Variants in ZMYM1 observed in about 807,000 individuals in gnomAD.
ZMYM1 encodes zinc finger MYM-type containing 1, also known as zinc finger MYM-type protein 1.
Under a neutral mutation model 60.0 loss-of-function variants are expected in ZMYM1, and 39 were observed. The observed-to-expected ratio is 0.65, with a 90% confidence interval of 0.50 to 0.85. The LOEUF (loss-of-function observed/expected upper bound fraction) is 0.85. Among genes scored for constraint, ZMYM1 ranks in the 40% least tolerant of loss-of-function variants. The pLI is 0.00. For missense variants in ZMYM1, 1,171 were observed against 1,309.5 expected (o/e 0.89, Z 1.63); for synonymous variants, 413 against 454.0 (o/e 0.91, Z 1.15).
intron 1 of ZMYM1, among the ~76,000 whole-genome samples, chr1:35,088,448 ATATATATGTGTGTGTG>A (rs1326502015): frequency 6.2e-5 from 7 of 113,696 alleles, no homozygotes; most frequent in Admixed American, 1.0e-4. Flanking sequence ...ATATATATAT[ATATATATGTGTGTGTG>A]TGTGTGTGTG....
chr1:35,101,474 A>G (rs975089070), intron 4 of ZMYM1, among the ~76,000 whole-genome samples: 7 of 147,448 alleles, frequency 4.7e-5, no homozygotes, highest in Non-Finnish European at 8.9e-5. Flanking sequence ...GCTGATAGCA[A>G]TAAAAACTAA....
In ZMYM1 at chr1:35,071,230, G is replaced by A. The variant is rs1175516301; in HGVS notation, c.-300-7764G>A. On this transcript the variant is annotated intron_variant, in intron 1 of 10. Coordinates refer to the ZMYM1 transcript ENST00000417119. ...TATATCATATTGATGTGAATATGTC[G>A]AACCATACTTGCATCCCTAGGATGA... Among the ~76,000 whole-genome samples the A allele has an allele frequency of 2.6e-5, 4 of 151,920 alleles. No individual in the cohort carries two copies. In the South Asian group the frequency reaches 6.2e-4, roughly 24 times the overall value.
chr1:35,110,334 T>TGAA lies in ZMYM1; in HGVS notation c.850_852dup (p.Lys284dup). On this transcript the variant is annotated inframe_insertion, in exon 7 of 10. Coordinates refer to ENST00000359858, the MANE Select transcript of ZMYM1 (RefSeq NM_024772.5). ...CTTATATCTGTTCCTTGCAAACCAT[T>TGAA]GAAGCCCTCAGATGAAATGATTGAG... The TGAA allele has an allele frequency of 6.3e-7, 1 of 1,583,224 alleles. No homozygotes were observed. The highest frequency in any genetic ancestry group is 8.6e-7 in the Non-Finnish European group (1 of 1,168,252).
chr1:35,067,071 C>G (rs560473952), intron 1 of ZMYM1, among the ~76,000 whole-genome samples: 58 of 151,874 alleles, frequency 3.8e-4, no homozygotes, highest in African/African-American at 1.4e-3. Context: ...CTCTGCCTCC[C>G]GGGTTCAGGT....
At chr1:35,103,272 C>G (rs569698809) in intron 4 of ZMYM1, among the ~76,000 whole-genome samples, 3 of 152,292 alleles carry the variant, frequency 2.0e-5, no homozygotes, top group Admixed American at 1.3e-4. Context: ...CCCTCTCCCC[C>G]CAGTGCCTGT....
intron 1 of ZMYM1, among the ~76,000 whole-genome samples, chr1:35,085,021 T>C (rs923366896): frequency 1.3e-5 from 2 of 152,078 alleles, no homozygotes; most frequent in Non-Finnish European, 2.9e-5. Flanking sequence ...CTGTTATGCC[T>C]GGATTTATCC....
At position 35,115,153 on chromosome 1, in the gene ZMYM1, G is replaced by T. The variant is rs771824153; in HGVS notation, c.3323G>T (p.Gly1108Val). 3 of 1,614,052 alleles carry T rather than the reference G, an allele frequency of 1.9e-6. No homozygotes were observed. The South Asian group carries it at 3.3e-5, about 18-fold the overall frequency. Residue 1108 changes from glycine (G) to valine (V), a missense_variant, in exon 10 of 10, where the codon GGC becomes GTC. Physicochemically the swap from Gly to Val is moderately radical, Grantham distance 109. Transcript: ENST00000359858. ...CNTMGQEKLT[G>V]PALMAVEQEL... Reference sequence around the variant, plus strand: ...ACCATGGGACAAGAGAAGCTTACTGGCCCAGCCCTAATGGCTGTTGAGCAG... The same window carrying T: ...ACCATGGGACAAGAGAAGCTTACTGTCCCAGCCCTAATGGCTGTTGAGCAG...
rs2148483630 is a variant in ZMYM1, at chr1:35,079,402, T to C, written c.-115T>C. 1 of 106,816 alleles carries C rather than the reference T, an allele frequency of 9.4e-6. No homozygotes were observed. Among genetic ancestry groups the C allele is most frequent in the East Asian group, 2.8e-4 (1 of 3,540 alleles). The allele number at this position is 106,816 out of a possible 1,614,324, so 6.6% of individuals were successfully genotyped here. A position where few individuals can be genotyped will look rare whatever the true frequency, so the allele number is the denominator to read the frequency against. ...GGCGGGGCCGTTTCGCTTCGAAGAT[T>C]GTTTCAGAAGCGTTGGGCGGGGCGT... On this transcript the variant is annotated 5_prime_UTR_variant, in exon 1 of 10. Coordinates refer to ENST00000359858, the MANE Select transcript of ZMYM1 (RefSeq NM_024772.5).
chr1:35,095,784 A>G (rs751348561), intron 2 of ZMYM1, 35 bp from the exon 3 acceptor site: 10 of 1,456,582 alleles, frequency 6.9e-6, no homozygotes, highest in Non-Finnish European at 9.4e-6. Flanking sequence ...CATTGTATTC[A>G]CTATTTTTAA....
intron 2 of ZMYM1, 138 bp from the exon 3 acceptor site, chr1:35,095,681 C>G (rs1643273041): frequency 3.3e-6 from 2 of 612,978 alleles, no homozygotes; most frequent in South Asian, 2.1e-5. Flanking sequence ...TAGTGCATAC[C>G]TGTGTATTTT....
At chr1:35,078,808 C>CA (rs1642225485), upstream of ZMYM1, among the ~76,000 whole-genome samples, 1 of 152,028 alleles carries the variant, frequency 6.6e-6, no homozygotes, top group Admixed American at 6.6e-5. Flanking sequence ...CTCGGCCTCC[C>CA]AAAGTGCTGG....
At chr1:35,091,887 C>CA (rs779081046) in intron 1 of ZMYM1, among the ~76,000 whole-genome samples, 65,348 of 84,600 alleles carry the variant, frequency 0.77, 25,930 homozygotes, top group Non-Finnish European at 0.87. Context: ...GATCTTGTCT[C>CA]AAAAAAAAAA....
At position 35,114,718 on chromosome 1, in the gene ZMYM1, A is replaced by T; in HGVS notation, c.2888A>T (p.Tyr963Phe). ...MFFPTSTEEQ[Y>F]KINIYYQGLD... ...TTTCCTACTTCAACAGAAGAACAAT[A>T]TAAAATTAATATCTATTACCAAGGA... Residue 963 changes from tyrosine (Y) to phenylalanine (F), a missense_variant, in exon 10 of 10, where the codon TAT becomes TTT. Physicochemically the swap from Tyr to Phe is conservative, Grantham distance 22. Coordinates refer to ENST00000359858, the MANE Select transcript of ZMYM1 (RefSeq NM_024772.5). 6.4e-7 allele frequency: 1 copy of T among 1,572,980 alleles called. No individual in the cohort carries two copies. The highest frequency in any genetic ancestry group is 8.6e-7 in the Non-Finnish European group (1 of 1,160,656).
At chr1:35,107,369 T>C (rs1643927244) in intron 6 of ZMYM1, among the ~76,000 whole-genome samples, 1 of 149,778 alleles carries the variant, frequency 6.7e-6, no homozygotes, top group Non-Finnish European at 1.5e-5. Context: ...CTCTGGAGGC[T>C]GAGGCAGGAG....
At chr1:35,071,128 C>A (rs1241376896) in intron 1 of ZMYM1, among the ~76,000 whole-genome samples, 1 of 152,118 alleles carries the variant, frequency 6.6e-6, no homozygotes, top group African/African-American at 2.4e-5. Flanking sequence ...CTCAGATGAT[C>A]CGCCTACCTC....
At chr1:35,116,494 G>A (rs968110435), downstream of ZMYM1, among the ~76,000 whole-genome samples, 1 of 152,138 alleles carries the variant, frequency 6.6e-6, no homozygotes, top group African/African-American at 2.4e-5. Context: ...TTTTGCTCTT[G>A]TTGCCCAGAC....
chr1:35,097,067 A>G (rs2148522469), intron 3 of ZMYM1, among the ~76,000 whole-genome samples: 1 of 151,804 alleles, frequency 6.6e-6, no homozygotes, highest in South Asian at 2.1e-4. Context: ...CAGGTGATCC[A>G]CCTGCCTTGG....
intron 1 of ZMYM1, among the ~76,000 whole-genome samples, chr1:35,084,202 A>G (rs1426913001): frequency 2.1e-5 from 3 of 144,706 alleles, no homozygotes; most frequent in Admixed American, 7.0e-5. Flanking sequence ...TTTTTGATGG[A>G]TGCCAGGTCA....
intron 6 of ZMYM1, among the ~76,000 whole-genome samples, chr1:35,105,243 T>C (rs1336897078): frequency 6.8e-6 from 1 of 147,906 alleles, no homozygotes; most frequent in Non-Finnish European, 1.5e-5. Flanking sequence ...CATGCCATTC[T>C]CCTGCCTCGG....
Sources: gnomAD v4.1 joint callset for allele counts (sites outside exome capture counted in the v4.1 genomes callset) on GRCh38, gnomAD v4.1.1 for gene constraint, MANE v1.5 for transcripts, NCBI Gene and HGNC (gene_info 2026-07-23, HGNC 2026-07-21) for gene names.